CTDSPL: variants seen among roughly 807,000 people sequenced by gnomAD.
CTDSPL encodes CTD small phosphatase-like protein.
Under a neutral mutation model 30.5 loss-of-function variants are expected in CTDSPL, and 8 were observed. That is an observed-to-expected ratio of 0.26 (90% CI 0.15 to 0.47). The LOEUF (loss-of-function observed/expected upper bound fraction) is 0.47. CTDSPL is among the 20% of genes least tolerant of loss of function. The probability of loss-of-function intolerance (pLI) is 0.99; values close to 1 mark genes in which losing one functional copy is unlikely to be tolerated. For missense variants in CTDSPL, 248 were observed against 366.1 expected (o/e 0.68, Z 2.63); for synonymous variants, 110 against 137.9 (o/e 0.80, Z 1.42).
intron 1 of CTDSPL, among the ~76,000 whole-genome samples, chr3:37,938,767 G>A (rs1240079834): frequency 1.3e-5 from 2 of 148,154 alleles, no homozygotes; most frequent in Admixed American, 6.8e-5. Flanking sequence ...TGCAACCTCC[G>A]CCTCCTGGGT....
At chr3:37,951,149 C>T (rs992572199) in intron 2 of CTDSPL, among the ~76,000 whole-genome samples, 1 of 151,832 alleles carries the variant, frequency 6.6e-6, no homozygotes, top group African/African-American at 2.4e-5. Flanking sequence ...GGGCAGATCA[C>T]GAGGTCAGGA....
intron 1 of CTDSPL, among the ~76,000 whole-genome samples, chr3:37,887,980 A>G (rs1017199056): frequency 2.6e-5 from 4 of 152,228 alleles, no homozygotes; most frequent in Admixed American, 1.3e-4. Flanking sequence ...TGGCAGTTAC[A>G]TAACAGGCTG....
At chr3:37,966,913 G>T (rs1174537952) in intron 4 of CTDSPL, among the ~76,000 whole-genome samples, 2 of 152,126 alleles carry the variant, frequency 1.3e-5, no homozygotes, top group African/African-American at 4.8e-5. Flanking sequence ...TGATGATTCA[G>T]TTGGGCCTGT....
chr3:37,930,807 A>G (rs965698872), intron 1 of CTDSPL, among the ~76,000 whole-genome samples: 1 of 152,090 alleles, frequency 6.6e-6, no homozygotes, highest in African/African-American at 2.4e-5. Flanking sequence ...GAAATCTACT[A>G]TTATTGTGTT....
chr3:37,916,558 T>A (rs1024863458), intron 1 of CTDSPL, among the ~76,000 whole-genome samples: 1 of 152,116 alleles, frequency 6.6e-6, no homozygotes, highest in Non-Finnish European at 1.5e-5. Context: ...AGGGAGAAGA[T>A]GATAGAGGCA....
chr3:37,935,872 A>C (rs549042408), intron 1 of CTDSPL, among the ~76,000 whole-genome samples: 12 of 152,250 alleles, frequency 7.9e-5, no homozygotes, highest in Admixed American at 3.3e-4. Flanking sequence ...GGAGCCCTGG[A>C]GTCAGGTTGT....
At chr3:37,921,604 C>G (rs1480825659) in intron 1 of CTDSPL, among the ~76,000 whole-genome samples, 2 of 99,052 alleles carry the variant, frequency 2.0e-5, no homozygotes, top group African/African-American at 7.9e-5. Context: ...ACAACCCTAA[C>G]TACCACACAC....
At chr3:37,875,038 A>G (rs1477765726) in intron 1 of CTDSPL, among the ~76,000 whole-genome samples, 2 of 152,250 alleles carry the variant, frequency 1.3e-5, no homozygotes, top group Admixed American at 6.5e-5. Context: ...ATTTTCCTAT[A>G]TTTAAAAAAT....
intron 1 of CTDSPL, among the ~76,000 whole-genome samples, chr3:37,903,348 G>A (rs949068669): frequency 1.3e-5 from 2 of 152,216 alleles, no homozygotes; most frequent in East Asian, 1.9e-4. Flanking sequence ...TTGAAACAGC[G>A]ATCCATTTGA....
intron 1 of CTDSPL, among the ~76,000 whole-genome samples, chr3:37,890,529 AT>A (rs145083052): frequency 6.6e-6 from 1 of 152,082 alleles, no homozygotes; most frequent in African/African-American, 2.4e-5. Flanking sequence ...GGGTTTTAAA[AT>A]TTTTTTTCAG....
intron 1 of CTDSPL, among the ~76,000 whole-genome samples, chr3:37,946,494 CAA>C (rs2125622148): frequency 6.6e-6 from 1 of 152,344 alleles, no homozygotes; most frequent in Non-Finnish European, 1.5e-5. Flanking sequence ...AACTTCTTGA[CAA>C]ACTCTTGGCG....
At chr3:37,872,958 C>T (rs182371466) in intron 1 of CTDSPL, among the ~76,000 whole-genome samples, 2 of 152,272 alleles carry the variant, frequency 1.3e-5, no homozygotes, top group Admixed American at 1.3e-4. Flanking sequence ...TGGGAGTGTT[C>T]ATTACCACTG....
intron 2 of CTDSPL, among the ~76,000 whole-genome samples, chr3:37,948,295 AT>A (rs1236915166): frequency 5.9e-5 from 9 of 152,270 alleles, no homozygotes; most frequent in East Asian, 1.9e-4. Flanking sequence ...AAAAAAAAAA[AT>A]ATATGTATAT....
intron 1 of CTDSPL, among the ~76,000 whole-genome samples, chr3:37,905,414 G>A (rs1204616420): frequency 1.3e-5 from 2 of 152,228 alleles, no homozygotes; most frequent in Admixed American, 1.3e-4. Context: ...CAGTTCTCCA[G>A]TCAAGTTTTA....
At chr3:37,876,000 T>C (rs1698130557) in intron 1 of CTDSPL, among the ~76,000 whole-genome samples, 1 of 152,118 alleles carries the variant, frequency 6.6e-6, no homozygotes, top group African/African-American at 2.4e-5. Flanking sequence ...CCCAGCACTT[T>C]AGGAGGCTGA....
At chr3:37,927,571 G>A (rs185205501) in intron 1 of CTDSPL, among the ~76,000 whole-genome samples, 1 of 151,508 alleles carries the variant, frequency 6.6e-6, no homozygotes, top group African/African-American at 2.4e-5. Flanking sequence ...CATTCCGTCA[G>A]CAGTAATTGT....
At chr3:37,947,656 T>C (rs1699055292) in intron 2 of CTDSPL, among the ~76,000 whole-genome samples, 1 of 152,266 alleles carries the variant, frequency 6.6e-6, no homozygotes, top group Non-Finnish European at 1.5e-5. Context: ...CCTTTTTTGA[T>C]AAAGGATATC....
intron 1 of CTDSPL, among the ~76,000 whole-genome samples, chr3:37,874,770 A>T (rs1243212676): frequency 6.7e-6 from 1 of 148,954 alleles, no homozygotes; most frequent in Admixed American, 6.6e-5. Context: ...ATACAGACAG[A>T]CACACGCACA....
chr3:37,926,502 G>T (rs1698783018), intron 1 of CTDSPL, among the ~76,000 whole-genome samples: 1 of 152,204 alleles, frequency 6.6e-6, no homozygotes. Context: ...AGGCATTCTT[G>T]GAGGTGATTA....
Sources: gnomAD v4.1 joint callset for allele counts (sites outside exome capture counted in the v4.1 genomes callset) on GRCh38, gnomAD v4.1.1 for gene constraint, MANE v1.5 for transcripts, NCBI Gene and HGNC (gene_info 2026-07-23, HGNC 2026-07-21) for gene names.